Variants in C16orf96 observed in about 807,000 individuals in gnomAD.
The protein encoded by C16orf96 is chromosome 16 open reading frame 96.
A neutral mutation model predicts 103.6 loss-of-function variants in C16orf96; 108 were observed. That is an observed-to-expected ratio of 1.04 (90% CI 0.89 to 1.22). The LOEUF (loss-of-function observed/expected upper bound fraction) is 1.22. C16orf96 is among the 50% of genes most tolerant of loss of function. C16orf96 has a pLI of 0.00. For missense variants in C16orf96, 1,586 were observed against 1,464.2 expected (o/e 1.08, Z -1.36); for synonymous variants, 566 against 593.5 (o/e 0.95, Z 0.67).
At chr16:4,546,103 C>T in the C16orf96 span, among the ~76,000 whole-genome samples, 13 of 152,056 alleles carry the variant, frequency 8.5e-5, no homozygotes, top group South Asian at 2.1e-4. Flanking sequence ...CCACCCTGGC[C>T]TCCCAAAGTA....
chr16:4,590,279 C>T (rs1179647507), intron 9 of C16orf96, among the ~76,000 whole-genome samples: 2 of 151,918 alleles, frequency 1.3e-5, no homozygotes, highest in Non-Finnish European at 2.9e-5. Context: ...CTATTTTTGG[C>T]CAGGCGCGGT....
chr16:4,561,688 G>A (rs1332261869), intron 1 of C16orf96: 1 of 152,504 alleles, frequency 6.6e-6, no homozygotes, highest in Admixed American at 6.5e-5. Flanking sequence ...GTCCCAGCCT[G>A]ATTGAAGTTG....
rs1326103119 is a variant in C16orf96 at position 4,575,574 on chromosome 16, C to A, written c.1094C>A (p.Ala365Glu). The change falls in exon 5 of 16, where the codon GCA (alanine) becomes GAA (glutamate). Residue 365 changes from alanine to glutamate, a missense_variant. Ala to Glu is a moderately radical substitution (Grantham distance 107). Coordinates refer to ENST00000444310, the MANE Select transcript of C16orf96 (RefSeq NM_001145011.2). Reference protein sequence around the residue: ...GPSVTPGSLPAPWPVLGPVPA... With the variant: ...GPSVTPGSLPEPWPVLGPVPA... ...AGTGTGACACCTGGGTCCTTGCCAG[C>A]ACCTTGGCCTGTGCTTGGACCTGTG... The A allele has an allele frequency of 2.0e-6, 3 of 1,523,764 alleles. No individual in the cohort carries two copies. The highest frequency in any genetic ancestry group is 4.9e-5 in the East Asian group (2 of 40,720). 94.4% of individuals were successfully genotyped at this position (1,523,764 alleles called of 1,614,324 possible).
rs1210995360 is a variant in C16orf96, at chr16:4,556,547, G to T, written c.58G>T (p.Val20Leu). 3 of 1,551,062 alleles carry T rather than the reference G, an allele frequency of 1.9e-6. No homozygotes were observed. Among genetic ancestry groups the T allele is most frequent in the East Asian group, 4.9e-5 (2 of 40,896 alleles). ...LANIAIPQCG[V>L]LNFKALHLLL... ...CAACATCGCCATCCCACAGTGCGGG[G>T]TGCTGAACTTCAAGGCCCTGCACCT... Residue 20 changes from valine (V) to leucine (L), a missense_variant, in exon 1 of 16, where the codon GTG becomes TTG. Physicochemically the swap from Val to Leu is conservative, Grantham distance 32 (BLOSUM62 1). Coordinates refer to ENST00000444310, the MANE Select transcript of C16orf96 (RefSeq NM_001145011.2).
Position 4,591,518 on chromosome 16 carries a change from C to A in C16orf96, c.2593-148C>A, listed in dbSNP as rs952580837. ...GGGTTGAGCCTCATCGAAGCTGTGT[C>A]ATTTTCCCTTTCCTGGACTCCCTCA... On this transcript the variant is annotated intron_variant, in intron 9 of 15. Coordinates refer to ENST00000444310, the MANE Select transcript of C16orf96 (RefSeq NM_001145011.2). The A allele has an allele frequency of 4.2e-5, 28 of 661,386 alleles. No homozygotes were observed. In the African/African-American group the frequency reaches 4.9e-4, roughly 11 times the overall value. The allele number at this position is 661,386 out of a possible 1,614,324, so 41.0% of individuals were successfully genotyped here. A position where few individuals can be genotyped will look rare whatever the true frequency, so the allele number is the denominator to read the frequency against.
intron 5 of C16orf96, among the ~76,000 whole-genome samples, chr16:4,576,865 G>C (rs897688700): frequency 1.3e-5 from 2 of 152,150 alleles, no homozygotes; most frequent in Non-Finnish European, 2.9e-5. Flanking sequence ...TCTAAAGTTG[G>C]CACGAGGAAA....
At position 4,595,736 on chromosome 16, in the gene C16orf96, T is replaced by C. The variant is rs532409993; in HGVS notation, c.3127+933T>C. Among the ~76,000 whole-genome samples the C allele has an allele frequency of 3.6e-4, 55 of 152,178 alleles. 1 individual carries two copies. The highest frequency in any genetic ancestry group is 1.3e-3 in the African/African-American group (54 of 41,534). ...GTTTGTTTGTTTTTGAGGCGGAGTC[T>C]TGCTCTGTCGCCCAGGCTGGAGTGC... is the stretch of plus-strand genomic sequence containing the variant. On this transcript the variant is annotated intron_variant, in intron 14 of 15. Transcript: ENST00000444310.
At chr16:4,541,935 G>A in the C16orf96 span, among the ~76,000 whole-genome samples, 11 of 152,196 alleles carry the variant, frequency 7.2e-5, no homozygotes, top group African/African-American at 2.7e-4. Context: ...CAGAAGCAGT[G>A]GTTCAGTGTT....
chr16:4,558,343 C>T (rs929791216), intron 1 of C16orf96, among the ~76,000 whole-genome samples: 9 of 152,232 alleles, frequency 5.9e-5, no homozygotes, highest in African/African-American at 2.2e-4. Context: ...AAGCCGAGCA[C>T]AGTGGCTCAC....
In C16orf96 at chr16:4,593,352, C is replaced by G. The variant is rs929593319; in HGVS notation, c.2867+36C>G. ...TGGGCGCCCCGCAGGGAGGCCGCCC[C>G]GCATGGAGGCCACTCTGGAGCCTGG... On this transcript the variant is annotated intron_variant, in intron 12 of 15. Coordinates refer to ENST00000444310, the MANE Select transcript of C16orf96 (RefSeq NM_001145011.2). This position sits in a 1 kb window ranked among gnomAD's most constrained non-coding sequence, Gnocchi z 4.2. 2.0e-6 allele frequency: 3 copies of G among 1,521,016 alleles called. No individual in the cohort carries two copies. Among genetic ancestry groups the G allele is most frequent in the Non-Finnish European group, 1.8e-6 (2 of 1,123,172 alleles). 94.2% of individuals were successfully genotyped at this position (1,521,016 alleles called of 1,614,324 possible).
chr16:4,574,479 C>T (rs1198888219), intron 2 of C16orf96, among the ~76,000 whole-genome samples: 1 of 152,184 alleles, frequency 6.6e-6, no homozygotes, highest in Non-Finnish European at 1.5e-5. Flanking sequence ...ACCTTGACCT[C>T]TCAAAGTGCT....
At chr16:4,540,240 G>A in the C16orf96 span, among the ~76,000 whole-genome samples, 10 of 152,206 alleles carry the variant, frequency 6.6e-5, no homozygotes, top group African/African-American at 1.4e-4. Context: ...ACAGAGTTAC[G>A]GGGTGGTGCC....
At chr16:4,543,111 A>G in the C16orf96 span, among the ~76,000 whole-genome samples, 2 of 152,214 alleles carry the variant, frequency 1.3e-5, no homozygotes, top group Non-Finnish European at 2.9e-5. Flanking sequence ...AGATGTCAAA[A>G]CAGAGTGCTT....
rs914624554 is a variant in C16orf96, at chr16:4,578,991, A to G, written c.2207A>G (p.Lys736Arg). ...GGGACAACAGTGGACATATTGCAGA[A>G]AAAGATTGGCAGCCTCCAGAAATCT... is the stretch of plus-strand genomic sequence containing the variant. ...SLGTTVDILQ[K>R]KIGSLQKSRL... Residue 736 changes from lysine (K) to arginine (R), a missense_variant, in exon 6 of 16, where the codon AAA becomes AGA. Transcript: ENST00000444310. 8 of 1,551,520 alleles carry G rather than the reference A, an allele frequency of 5.2e-6. No individual in the cohort carries two copies. The highest frequency in any genetic ancestry group is 1.7e-4 in the Middle Eastern group (1 of 5,990).
chr16:4,539,823 G>A, the C16orf96 span, among the ~76,000 whole-genome samples: 7 of 152,014 alleles, frequency 4.6e-5, no homozygotes, highest in East Asian at 9.7e-4. Context: ...GTGTTTTTCT[G>A]ACCCTGCAGT....
chr16:4,562,645 T>C (rs3848373), intron 1 of C16orf96, among the ~76,000 whole-genome samples: 93,138 of 152,020 alleles, frequency 0.61, 31,442 homozygotes, highest in East Asian at 0.88. Flanking sequence ...ATTAGCTTCA[T>C]TCAACATTTT....
chr16:4,570,022 C>A (rs181394319), intron 1 of C16orf96, among the ~76,000 whole-genome samples: 2 of 152,316 alleles, frequency 1.3e-5, no homozygotes, highest in African/African-American at 4.8e-5. Context: ...GTATCCCCTA[C>A]GTCTTAAAAG....
intron 15 of C16orf96, among the ~76,000 whole-genome samples, chr16:4,599,737 C>T (rs578170567): frequency 6.6e-6 from 1 of 152,244 alleles, no homozygotes; most frequent in African/African-American, 2.4e-5. Context: ...GTGAGGCAGG[C>T]ACTGTTTGCC....
rs1340186571 is a variant in C16orf96 at position 4,593,674 on chromosome 16, C to A, written c.2867+358C>A. ...ATGATGGGGAACCCTCAGGGAGCCGCTGCTGTGCCCGGCAGGCACTGTGCC... is the reference window on the plus strand; with the variant it reads ...ATGATGGGGAACCCTCAGGGAGCCGATGCTGTGCCCGGCAGGCACTGTGCC... On this transcript the variant is annotated intron_variant, in intron 12 of 15. Transcript: ENST00000444310. This position sits in a 1 kb window ranked among gnomAD's most constrained non-coding sequence, Gnocchi z 4.2. Among the ~76,000 whole-genome samples the A allele has an allele frequency of 6.6e-6, 1 of 152,158 alleles. No individual in the cohort carries two copies. The highest frequency in any genetic ancestry group is 1.9e-4 in the East Asian group (1 of 5,182).
Sources: gnomAD v4.1 joint callset for allele counts (sites outside exome capture counted in the v4.1 genomes callset) on GRCh38, gnomAD v4.1.1 for gene constraint, Gnocchi (gnomAD v3.1) non-coding constraint, MANE v1.5 for transcripts, NCBI Gene and HGNC (gene_info 2026-07-23, HGNC 2026-07-21) for gene names.